Variants in CYP39A1 observed in about 807,000 individuals in gnomAD.
CYP39A1 encodes the protein cytochrome P450 family 39 subfamily A member 1, also known as 24-hydroxycholesterol 7-alpha-hydroxylase.
A neutral mutation model predicts 58.1 loss-of-function variants in CYP39A1; 49 were observed. That is an observed-to-expected ratio of 0.84 (90% CI 0.67 to 1.07). The LOEUF is 1.07. Ranked by LOEUF, CYP39A1 falls within the 50% of genes least tolerant of loss-of-function variation. CYP39A1 has a pLI of 0.00. For synonymous variants in CYP39A1, 209 were observed against 187.6 expected (o/e 1.11, Z -0.93); for missense variants, 531 against 539.4 (o/e 0.98, Z 0.16).
At chr6:46,630,214 G>A (rs928691233) in intron 6 of CYP39A1, among the ~76,000 whole-genome samples, 5 of 152,214 alleles carry the variant, frequency 3.3e-5, no homozygotes, top group Middle Eastern at 6.8e-3. Context: ...CACCATTCAT[G>A]CGGAAGCTTG....
intron 5 of CYP39A1, among the ~76,000 whole-genome samples, chr6:46,635,248 T>C (rs1221933075): frequency 6.6e-6 from 1 of 152,256 alleles, no homozygotes; most frequent in African/African-American, 2.4e-5. Context: ...TATCCAGTCC[T>C]CTGTTCTCAG....
At chr6:46,569,171 C>T (rs1771449981) in intron 10 of CYP39A1, among the ~76,000 whole-genome samples, 1 of 151,716 alleles carries the variant, frequency 6.6e-6, no homozygotes, top group Non-Finnish European at 1.5e-5. Context: ...TCATAGTTTC[C>T]TTGTCAGATT....
chr6:46,597,343 T>C (rs1350095221), intron 7 of CYP39A1, among the ~76,000 whole-genome samples: 2 of 152,092 alleles, frequency 1.3e-5, no homozygotes, highest in Non-Finnish European at 2.9e-5. Flanking sequence ...CACAGTTGAC[T>C]AGTACAACAT....
At chr6:46,634,854 C>T (rs1439846199) in intron 5 of CYP39A1, among the ~76,000 whole-genome samples, 2 of 152,170 alleles carry the variant, frequency 1.3e-5, no homozygotes, top group South Asian at 2.1e-4. Flanking sequence ...AATTTAAAAA[C>T]TCTGTTTGCT....
chr6:46,648,835 T>C (rs1162907473), intron 1 of CYP39A1, among the ~76,000 whole-genome samples: 1 of 152,084 alleles, frequency 6.6e-6, no homozygotes, highest in African/African-American at 2.4e-5. Flanking sequence ...AAATAATGTT[T>C]CCATTGTGTC....
intron 7 of CYP39A1, among the ~76,000 whole-genome samples, chr6:46,616,973 A>G (rs1030985365): frequency 3.3e-5 from 5 of 152,090 alleles, no homozygotes; most frequent in African/African-American, 1.2e-4. Flanking sequence ...ATGGAACAAA[A>G]TCTTAGAGGT....
chr6:46,603,872 C>T (rs1450159338), intron 7 of CYP39A1, among the ~76,000 whole-genome samples: 1 of 152,128 alleles, frequency 6.6e-6, no homozygotes, highest in Non-Finnish European at 1.5e-5. Flanking sequence ...ATTGTACTTC[C>T]TATTGCTTAG....
rs984609873 is a variant in CYP39A1 at position 46,631,042 on chromosome 6, A to T, written c.761T>A (p.Val254Glu). 3 of 1,613,996 alleles carry T rather than the reference A, an allele frequency of 1.9e-6. No homozygotes were observed. The highest frequency in any genetic ancestry group is 3.3e-5 in the Admixed American group (2 of 60,022). The change falls in exon 6 of 12, where the codon GTA (valine) becomes GAA (glutamate). Residue 254 changes from valine to glutamate, a missense_variant. By Grantham distance (121) the Val-to-Glu change is moderately radical (BLOSUM62 -2). Transcript: ENST00000275016. Reference sequence around the variant, plus strand: ...GTTTTCCTTACTTGTTTCCGTCTCTACAATATCCAGCGTAGCTTGCAATAA... The same window carrying T: ...GTTTTCCTTACTTGTTTCCGTCTCTTCAATATCCAGCGTAGCTTGCAATAA... ...MTLLQATLDI[V>E]ETETSKENSP...
Position 46,575,460 on chromosome 6 carries a change from A to T in CYP39A1, c.1250+11617T>A, listed in dbSNP as rs573445883. Among the ~76,000 whole-genome samples the T allele has an allele frequency of 3.3e-3, 505 of 152,292 alleles. 3 individuals carry two copies. The highest frequency in any genetic ancestry group is 4.4e-3 in the Admixed American group (68 of 15,304). ...GCAGCCCAGCCTCAATTGCCCAGCCAAAGTGCTTGTCAATGGCCACCACGA... is the reference window on the plus strand; with the variant it reads ...GCAGCCCAGCCTCAATTGCCCAGCCTAAGTGCTTGTCAATGGCCACCACGA... On this transcript the variant is annotated intron_variant, in intron 10 of 11. Transcript: ENST00000275016.
intron 10 of CYP39A1, chr6:46,586,476 A>T (rs1194408086): frequency 3.1e-5 from 30 of 979,188 alleles, no homozygotes; most frequent in Non-Finnish European, 3.6e-5. Context: ...CACAGATGAG[A>T]TGTTCAAAAA....
chr6:46,623,928 G>A (rs547814336), intron 7 of CYP39A1, among the ~76,000 whole-genome samples: 1 of 152,274 alleles, frequency 6.6e-6, no homozygotes, highest in African/African-American at 2.4e-5. Context: ...GTGTCTTATA[G>A]ACTGAAAGCA....
chr6:46,600,347 C>A (rs1185545523), intron 7 of CYP39A1, among the ~76,000 whole-genome samples: 5 of 152,030 alleles, frequency 3.3e-5, no homozygotes, highest in African/African-American at 1.2e-4. Flanking sequence ...TCTTGAAATC[C>A]TGACCTCTAG....
chr6:46,568,663 T>C (rs1025379658), intron 10 of CYP39A1, among the ~76,000 whole-genome samples: 4 of 152,140 alleles, frequency 2.6e-5, no homozygotes, highest in Non-Finnish European at 4.4e-5. Context: ...TCCCATGGAA[T>C]GGTCTTAGTA....
intron 10 of CYP39A1, among the ~76,000 whole-genome samples, chr6:46,554,522 C>T (rs1338694301): frequency 6.6e-6 from 1 of 152,152 alleles, no homozygotes; most frequent in Non-Finnish European, 1.5e-5. Flanking sequence ...TCAGCATGCC[C>T]TACAATATAT....
At chr6:46,611,135 C>T (rs1399816243) in intron 7 of CYP39A1, among the ~76,000 whole-genome samples, 2 of 152,240 alleles carry the variant, frequency 1.3e-5, no homozygotes, top group African/African-American at 4.8e-5. Context: ...TTCTTCCAAG[C>T]ATCTCAGTCA....
At chr6:46,550,959 C>T (rs1260545949) in intron 11 of CYP39A1, among the ~76,000 whole-genome samples, 1 of 152,108 alleles carries the variant, frequency 6.6e-6, no homozygotes, top group African/African-American at 2.4e-5. Flanking sequence ...TCCAAATATT[C>T]TGACTTTTTT....
intron 10 of CYP39A1, among the ~76,000 whole-genome samples, chr6:46,561,302 C>A (rs1770954844): frequency 6.6e-6 from 1 of 152,070 alleles, no homozygotes; most frequent in Non-Finnish European, 1.5e-5. Context: ...TTGACCAGTG[C>A]AGTGATTTCC....
chr6:46,607,281 C>T (rs1413084804), intron 7 of CYP39A1, among the ~76,000 whole-genome samples: 1 of 151,638 alleles, frequency 6.6e-6, no homozygotes, highest in Non-Finnish European at 1.5e-5. Flanking sequence ...GCTGAAATTT[C>T]AACTAAGCCT....
intron 10 of CYP39A1, among the ~76,000 whole-genome samples, chr6:46,570,651 G>A (rs1771536857): frequency 6.6e-6 from 1 of 152,156 alleles, no homozygotes; most frequent in Non-Finnish European, 1.5e-5. Flanking sequence ...TCTGCTTCTG[G>A]TGAGGGCCTC....
Sources: gnomAD v4.1 joint callset for allele counts (sites outside exome capture counted in the v4.1 genomes callset) on GRCh38, gnomAD v4.1.1 for gene constraint, MANE v1.5 for transcripts, NCBI Gene and HGNC (gene_info 2026-07-23, HGNC 2026-07-21) for gene names.